Variants in ZMAT4 observed in about 807,000 individuals in gnomAD.
ZMAT4 encodes the protein zinc finger matrin-type protein 4.
Under a neutral mutation model 28.7 loss-of-function variants are expected in ZMAT4, and 17 were observed. The observed-to-expected ratio is 0.59, with a 90% CI of 0.41 to 0.89. The LOEUF (loss-of-function observed/expected upper bound fraction) is 0.89. ZMAT4 is among the 40% of genes least tolerant of loss of function. The probability of loss-of-function intolerance (pLI) is 0.00; values close to 1 mark genes in which losing one functional copy is unlikely to be tolerated. For missense variants in ZMAT4, 240 were observed against 283.8 expected, an observed-to-expected ratio of 0.85 and a Z score of 1.11; for synonymous variants, 117 against 109.2, an observed-to-expected ratio of 1.07 and a Z score of -0.44.
intron 5 of ZMAT4, among the ~76,000 whole-genome samples, chr8:40,621,544 A>G (rs893189413): frequency 6.6e-6 from 1 of 152,230 alleles, no homozygotes; most frequent in Non-Finnish European, 1.5e-5. Context: ...ATGTGGGAGC[A>G]GGCAAGGCTG....
At chr8:40,578,505 T>C (rs568398582) in intron 6 of ZMAT4, among the ~76,000 whole-genome samples, 1 of 152,262 alleles carries the variant, frequency 6.6e-6, no homozygotes, top group Non-Finnish European at 1.5e-5. Flanking sequence ...TTAGACTTCC[T>C]TAAAAATTAG....
intron 1 of ZMAT4, among the ~76,000 whole-genome samples, chr8:40,837,714 C>A (rs1816547321): frequency 6.6e-6 from 1 of 152,176 alleles, no homozygotes; most frequent in African/African-American, 2.4e-5. Flanking sequence ...CAGTACCGCT[C>A]GATTTCTCAT....
At chr8:40,649,807 A>G (rs1807546586) in intron 5 of ZMAT4, among the ~76,000 whole-genome samples, 1 of 152,078 alleles carries the variant, frequency 6.6e-6, no homozygotes, top group Non-Finnish European at 1.5e-5. Context: ...AAACTGAACA[A>G]CCTGCTCCTG....
chr8:40,779,711 T>C (rs1255290551), intron 2 of ZMAT4, among the ~76,000 whole-genome samples: 1 of 152,138 alleles, frequency 6.6e-6, no homozygotes, highest in African/African-American at 2.4e-5. Flanking sequence ...AAATGGATTT[T>C]TAAAAATTGC....
chr8:40,805,008 G>C (rs1240277274), intron 2 of ZMAT4, among the ~76,000 whole-genome samples: 1 of 149,128 alleles, frequency 6.7e-6, no homozygotes, highest in East Asian at 1.9e-4. Flanking sequence ...AGAGTGAACA[G>C]GCAACCTACA....
intron 3 of ZMAT4, among the ~76,000 whole-genome samples, chr8:40,762,226 A>C (rs920738921): frequency 6.6e-6 from 1 of 152,240 alleles, no homozygotes. Flanking sequence ...ATATCAACCT[A>C]GGACATGCAA....
rs1816009367 is a variant in ZMAT4, at chr8:40,825,687, G to C, written c.-4-7C>G. On this transcript the variant is annotated splice_region_variant and splice_polypyrimidine_tract_variant and intron_variant, in intron 1 of 6. Coordinates refer to ENST00000297737, the MANE Select transcript of ZMAT4 (RefSeq NM_024645.3). ...ATCGGAGGACTTCATCAGGCTACAAGAGAATCAACAGAAAAGAAAAATGAG... is the reference window on the plus strand; with the variant it reads ...ATCGGAGGACTTCATCAGGCTACAACAGAATCAACAGAAAAGAAAAATGAG... The C allele has an allele frequency of 5.2e-6, 8 of 1,549,370 alleles. No individual in the cohort carries two copies. In the South Asian group the frequency reaches 7.1e-5, roughly 14 times the overall value.
At chr8:40,830,155 C>A (rs534105067) in intron 1 of ZMAT4, among the ~76,000 whole-genome samples, 68 of 152,220 alleles carry the variant, frequency 4.5e-4, no homozygotes, top group African/African-American at 1.5e-3. Flanking sequence ...TCCAGAGAGA[C>A]CTGGGGCTTC....
intron 5 of ZMAT4, among the ~76,000 whole-genome samples, chr8:40,600,120 T>G (rs1805249053): frequency 6.6e-6 from 1 of 152,246 alleles, no homozygotes; most frequent in African/African-American, 2.4e-5. Context: ...TGCTGCTCAC[T>G]AAATGGCTGT....
intron 2 of ZMAT4, among the ~76,000 whole-genome samples, chr8:40,792,845 C>A (rs573365033): frequency 1.3e-5 from 2 of 151,274 alleles, no homozygotes; most frequent in South Asian, 4.2e-4. Context: ...TACTAGAAGT[C>A]AATCTGAAGA....
At chr8:40,696,122 C>T (rs1809876238) in intron 4 of ZMAT4, among the ~76,000 whole-genome samples, 1 of 152,132 alleles carries the variant, frequency 6.6e-6, no homozygotes, top group Non-Finnish European at 1.5e-5. Flanking sequence ...CCCAAACATA[C>T]TGAGCTTGTC....
intron 6 of ZMAT4, among the ~76,000 whole-genome samples, chr8:40,554,875 C>T (rs1036415415): frequency 6.6e-6 from 1 of 152,106 alleles, no homozygotes. Context: ...ACTATAGTCA[C>T]CTTACTGTTA....
intron 3 of ZMAT4, among the ~76,000 whole-genome samples, chr8:40,760,786 C>G (rs564604243): frequency 6.6e-6 from 1 of 152,158 alleles, no homozygotes; most frequent in African/African-American, 2.4e-5. Context: ...CTCTCTCTCT[C>G]TCTCTCGTGC....
In ZMAT4 at chr8:40,695,768, A is replaced by ATTT. The variant is rs756360990; in HGVS notation, c.349+1474_349+1476dup. On this transcript the variant is annotated intron_variant, in intron 4 of 6. Coordinates refer to ENST00000297737, the MANE Select transcript of ZMAT4 (RefSeq NM_024645.3). ...AAAGAACTGGTTTTGCCATGTGGCA[A>ATTT]TTTTTTTTTTTTTTTTTTTTTTTTT... Among the ~76,000 whole-genome samples, 170 of 58,506 alleles carry ATTT rather than the reference A, an allele frequency of 2.9e-3. 7 individuals carry two copies. The highest frequency in any genetic ancestry group is 8.7e-3 in the African/African-American group (129 of 14,774). 38.4% of individuals were successfully genotyped at this position (58,506 alleles called of 152,430 possible). A position where few individuals can be genotyped will look rare whatever the true frequency, so the allele number is the denominator to read the frequency against.
chr8:40,595,870 G>A (rs190357351), intron 5 of ZMAT4, among the ~76,000 whole-genome samples: 59 of 152,158 alleles, frequency 3.9e-4, no homozygotes, highest in African/African-American at 1.0e-3. Context: ...GATCACCTAA[G>A]GTCAGGAGTT....
intron 2 of ZMAT4, among the ~76,000 whole-genome samples, chr8:40,808,798 T>C (rs1451620120): frequency 6.6e-6 from 1 of 150,658 alleles, no homozygotes; most frequent in Admixed American, 6.6e-5. Flanking sequence ...GGATGCCAAC[T>C]AATGTTAAAA....
chr8:40,729,506 A>G (rs1811443940), intron 3 of ZMAT4, among the ~76,000 whole-genome samples: 1 of 152,238 alleles, frequency 6.6e-6, no homozygotes, highest in Non-Finnish European at 1.5e-5. Context: ...TGTTCTAAGT[A>G]GATACTAAAT....
At chr8:40,665,469 T>C (rs1374839420) in intron 5 of ZMAT4, among the ~76,000 whole-genome samples, 1 of 152,126 alleles carries the variant, frequency 6.6e-6, no homozygotes, top group Non-Finnish European at 1.5e-5. Context: ...TTTCTAGAAC[T>C]TTGCCTCTCT....
intron 6 of ZMAT4, among the ~76,000 whole-genome samples, chr8:40,571,619 C>T (rs1804102199): frequency 6.6e-6 from 1 of 152,136 alleles, no homozygotes; most frequent in African/African-American, 2.4e-5. Context: ...GCTAGAAAGA[C>T]TTGATGACAC....
Sources: allele counts gnomAD v4.1 joint callset (sites outside exome capture counted in the v4.1 genomes callset), GRCh38; gene constraint gnomAD v4.1.1; transcripts MANE v1.5; gene names NCBI Gene and HGNC (gene_info 2026-07-23, HGNC 2026-07-21).